The following UGGT2 variants were observed in gnomAD, a reference collection of about 807,000 sequenced individuals.
UGGT2 encodes UDP-glucose:glycoprotein glucosyltransferase 2.
A neutral mutation model predicts 192.1 loss-of-function variants in UGGT2; 180 were observed. The observed-to-expected ratio is 0.94, with a 90% confidence interval of 0.83 to 1.06. UGGT2 has a LOEUF of 1.06. Among genes scored for constraint, UGGT2 ranks in the 50% least tolerant of loss-of-function variants. UGGT2 has a pLI of 0.00. For synonymous variants in UGGT2, 580 were observed against 591.0 expected, an observed-to-expected ratio of 0.98 and a Z score of 0.27; for missense variants, 1,849 against 1,795.7, an observed-to-expected ratio of 1.03 and a Z score of -0.54.
chr13:96,013,421 T>C lies in UGGT2; in HGVS notation c.546A>G (p.Pro182=). 1.2e-6 allele frequency: 2 copies of C among 1,606,804 alleles called. No homozygotes were observed. Among genetic ancestry groups the C allele is most frequent in the Non-Finnish European group, 1.7e-6 (2 of 1,177,622 alleles). ...HKFPTNKENL[P]VVILYAEMGT... ...CCATTTCGGCATAGAGAATCACCAC[T>C]GGTAAGTTCTCTTTGTTTGTAGGAA... The change falls in exon 5 of 39, where the codon CCA becomes CCG. Residue 182 remains proline (P), a synonymous_variant. Coordinates refer to ENST00000376747, the MANE Select transcript of UGGT2 (RefSeq NM_020121.4).
At chr13:95,845,052 A>T (rs1888254144) in intron 36 of UGGT2, among the ~76,000 whole-genome samples, 1 of 152,146 alleles carries the variant, frequency 6.6e-6, no homozygotes. Flanking sequence ...CTGATCATGT[A>T]TATATATGGA....
intron 36 of UGGT2, among the ~76,000 whole-genome samples, chr13:95,849,591 T>A (rs1001085481): frequency 2.0e-5 from 3 of 151,734 alleles, no homozygotes; most frequent in African/African-American, 7.2e-5. Flanking sequence ...TTTAATTTTT[T>A]ATAAATAACT....
intron 20 of UGGT2, among the ~76,000 whole-genome samples, chr13:95,913,273 A>C (rs972945995): frequency 3.3e-5 from 5 of 152,240 alleles, no homozygotes; most frequent in African/African-American, 1.2e-4. Context: ...CTCCACAGCA[A>C]AAGAAACTAT....
At chr13:96,005,702 A>G (rs2051952005) in intron 5 of UGGT2, among the ~76,000 whole-genome samples, 2 of 152,192 alleles carry the variant, frequency 1.3e-5, no homozygotes, top group South Asian at 4.1e-4. Context: ...GTATGCCTAG[A>G]AAGGAAACTT....
chr13:95,867,268 T>A (rs1187769435), intron 30 of UGGT2, 71 bp downstream of exon 30: 2 of 1,273,240 alleles, frequency 1.6e-6, no homozygotes, highest in African/African-American at 1.6e-5. Flanking sequence ...ATAAATCAAT[T>A]AATTAAAAAA....
chr13:95,881,280 C>G (rs913330146), intron 27 of UGGT2, among the ~76,000 whole-genome samples: 1 of 152,160 alleles, frequency 6.6e-6, no homozygotes, highest in African/African-American at 2.4e-5. Context: ...AGAACAAATC[C>G]CTTGTGGATT....
At chr13:95,969,428 A>C (rs1222384608) in intron 12 of UGGT2, among the ~76,000 whole-genome samples, 1 of 152,194 alleles carries the variant, frequency 6.6e-6, no homozygotes, top group Non-Finnish European at 1.5e-5. Flanking sequence ...TTCTCTTAAC[A>C]CAACATGTAG....
intron 38 of UGGT2, among the ~76,000 whole-genome samples, chr13:95,816,265 AAG>A (rs1884875063): frequency 1.3e-5 from 2 of 152,360 alleles, no homozygotes; most frequent in African/African-American, 4.8e-5. Context: ...CCATTAAATT[AAG>A]AGAGTGATAT....
rs1398685702 is a variant in UGGT2 at position 95,965,068 on chromosome 13, G to A, written c.1335+5044C>T. On this transcript the variant is annotated intron_variant, in intron 12 of 38. Coordinates refer to ENST00000376747, the MANE Select transcript of UGGT2 (RefSeq NM_020121.4). ...ACCATCTCACACCAGTTAGAATGGC[G>A]ATCATTAAAAAGTCAGGAAACAACA... Among the ~76,000 whole-genome samples, 246 of 149,914 alleles carry A rather than the reference G, an allele frequency of 1.6e-3. 1 individual carries two copies. The highest frequency in any genetic ancestry group is 6.9e-3 in the Middle Eastern group (2 of 288).
intron 20 of UGGT2, among the ~76,000 whole-genome samples, chr13:95,913,639 T>C (rs1202290668): frequency 6.6e-6 from 1 of 152,128 alleles, no homozygotes; most frequent in Non-Finnish European, 1.5e-5. Flanking sequence ...ACTGTTGGTG[T>C]GAGTGTAAAT....
intron 6 of UGGT2, among the ~76,000 whole-genome samples, chr13:95,996,896 C>G (rs577708299): frequency 6.6e-6 from 1 of 152,236 alleles, no homozygotes; most frequent in African/African-American, 2.4e-5. Context: ...ATTTTATAGT[C>G]ATTTCCCTTC....
intron 10 of UGGT2, chr13:95,983,553 T>G (rs1296017403): frequency 1.8e-6 from 1 of 565,474 alleles, no homozygotes; most frequent in Non-Finnish European, 3.4e-6. Flanking sequence ...TTCTTTATCC[T>G]ATGAAGAAAA....
At chr13:95,846,780 T>C (rs942646652) in intron 36 of UGGT2, among the ~76,000 whole-genome samples, 1 of 152,196 alleles carries the variant, frequency 6.6e-6, no homozygotes, top group South Asian at 2.1e-4. Flanking sequence ...TTCTGACTTT[T>C]GGTGGTTTGT....
At chr13:95,867,229 G>C in intron 30 of UGGT2, 110 bp downstream of exon 30, 1 of 935,424 alleles carries the variant, frequency 1.1e-6, no homozygotes, top group Non-Finnish European at 1.6e-6. Context: ...TAACATTTTA[G>C]GTTGTAAAAT....
chr13:95,808,785 A>G (rs900591823), intron 38 of UGGT2, among the ~76,000 whole-genome samples: 3 of 152,228 alleles, frequency 2.0e-5, no homozygotes, highest in Non-Finnish European at 4.4e-5. Context: ...CATTCACAGC[A>G]CATTCACAAA....
intron 38 of UGGT2, among the ~76,000 whole-genome samples, chr13:95,819,326 T>C (rs2139782147): frequency 6.6e-6 from 1 of 152,268 alleles, no homozygotes; most frequent in East Asian, 1.9e-4. Context: ...CTATTTTTTG[T>C]TGTTGTATTA....
chr13:95,806,440 C>T (rs922252111), intron 38 of UGGT2, among the ~76,000 whole-genome samples: 1 of 152,230 alleles, frequency 6.6e-6, no homozygotes. Flanking sequence ...AAAAACATTA[C>T]ATATTTGTTG....
chr13:95,836,094 G>T (rs1376588768), intron 37 of UGGT2, among the ~76,000 whole-genome samples: 1 of 152,080 alleles, frequency 6.6e-6, no homozygotes, highest in Non-Finnish European at 1.5e-5. Flanking sequence ...TTGTCTCCAG[G>T]CTGGAGTGTA....
intron 4 of UGGT2, among the ~76,000 whole-genome samples, chr13:96,021,494 C>G (rs1038680541): frequency 3.9e-5 from 6 of 152,058 alleles, no homozygotes; most frequent in Non-Finnish European, 5.9e-5. Context: ...AATAATATGG[C>G]TGCCTAATTC....
Sources: gnomAD v4.1 joint callset for allele counts (sites outside exome capture counted in the v4.1 genomes callset) on GRCh38, gnomAD v4.1.1 for gene constraint, MANE v1.5 for transcripts, NCBI Gene and HGNC (gene_info 2026-07-23, HGNC 2026-07-21) for gene names.